NCAM1: variants seen among roughly 807,000 people sequenced by gnomAD.
The protein encoded by NCAM1 is neural cell adhesion molecule 1.
NCAM1 carries 14 observed loss-of-function variants against 109.8 expected under a neutral mutation model. The ratio of observed to expected loss-of-function variants is 0.13; its 90% CI spans 0.08 to 0.20. The LOEUF is 0.20. NCAM1 is among the 10% of genes least tolerant of loss of function. The probability of loss-of-function intolerance (pLI) is 1.00; values close to 1 mark genes in which losing one functional copy is unlikely to be tolerated. For synonymous variants in NCAM1, 418 were observed against 442.9 expected (o/e 0.94, Z 0.70); for missense variants, 774 against 1,109.9 (o/e 0.70, Z 4.30).
chr11:113,048,048 C>G (rs564134238), intron 1 of NCAM1, among the ~76,000 whole-genome samples: 2 of 152,250 alleles, frequency 1.3e-5, no homozygotes, highest in African/African-American at 4.8e-5. Context: ...TGCAATGAAT[C>G]TCTCTGGGCT....
Position 113,231,626 on chromosome 11 carries a change from T to A in NCAM1, c.1090-19T>A. On this transcript the variant is annotated intron_variant, in intron 9 of 19. Transcript: ENST00000316851. ...TGCCTTGGGCTCTGACATGCTCCCT[T>A]CCCCCCCACCCCCGGCAGACTCTGG... 1 of 1,597,512 alleles carries A rather than the reference T, an allele frequency of 6.3e-7. No individual in the cohort carries two copies. Among genetic ancestry groups the A allele is most frequent in the Non-Finnish European group, 8.6e-7 (1 of 1,167,060 alleles).
At chr11:112,994,156 C>T (rs1267802838) in intron 1 of NCAM1, among the ~76,000 whole-genome samples, 1 of 152,200 alleles carries the variant, frequency 6.6e-6, no homozygotes, top group Non-Finnish European at 1.5e-5. Context: ...AAACTTTATG[C>T]ATTATTAGTC....
At chr11:113,168,768 C>T (rs1212841492) in intron 1 of NCAM1, among the ~76,000 whole-genome samples, 4 of 152,108 alleles carry the variant, frequency 2.6e-5, no homozygotes, top group Admixed American at 1.3e-4. Flanking sequence ...TATTTAACCA[C>T]GGATGATAGT....
At chr11:113,238,307 C>A (rs1945232823) in intron 14 of NCAM1, among the ~76,000 whole-genome samples, 1 of 152,152 alleles carries the variant, frequency 6.6e-6, no homozygotes, top group Non-Finnish European at 1.5e-5. Flanking sequence ...ATAAGTAGAA[C>A]CATGGCATAT....
chr11:113,068,105 G>A (rs1938062796), intron 1 of NCAM1, among the ~76,000 whole-genome samples: 1 of 151,994 alleles, frequency 6.6e-6, no homozygotes, highest in Non-Finnish European at 1.5e-5. Flanking sequence ...TAGAGACGGG[G>A]TTTCACCGTG....
At chr11:113,196,988 A>G (rs1555110928) in intron 1 of NCAM1, among the ~76,000 whole-genome samples, 2 of 152,180 alleles carry the variant, frequency 1.3e-5, no homozygotes, top group Non-Finnish European at 2.9e-5. Flanking sequence ...ACTTACAATC[A>G]TGGTGGAAGG....
chr11:112,974,490 C>G (rs2134584377), intron 1 of NCAM1, among the ~76,000 whole-genome samples: 1 of 152,142 alleles, frequency 6.6e-6, no homozygotes, highest in East Asian at 1.9e-4. Flanking sequence ...CATGTATATT[C>G]ATGAGTACTT....
chr11:113,103,190 T>C (rs1939951253), intron 1 of NCAM1, among the ~76,000 whole-genome samples: 2 of 152,162 alleles, frequency 1.3e-5, no homozygotes, highest in South Asian at 4.1e-4. Flanking sequence ...TTATTCTATT[T>C]CCCTAGTTGA....
At chr11:113,114,504 C>T (rs915935085) in intron 1 of NCAM1, among the ~76,000 whole-genome samples, 16 of 152,192 alleles carry the variant, frequency 1.1e-4, no homozygotes, top group Non-Finnish European at 2.2e-4. Context: ...AGTATAATGA[C>T]CCCACGATTT....
At chr11:112,991,148 G>T (rs940434615) in intron 1 of NCAM1, among the ~76,000 whole-genome samples, 6 of 152,154 alleles carry the variant, frequency 3.9e-5, no homozygotes, top group Admixed American at 3.9e-4. Context: ...AGGTGGCATG[G>T]ATTGGAACTG....
chr11:113,160,874 G>C (rs1210386053), intron 1 of NCAM1, among the ~76,000 whole-genome samples: 1 of 152,182 alleles, frequency 6.6e-6, no homozygotes, highest in Non-Finnish European at 1.5e-5. Flanking sequence ...GGTTAAGTCA[G>C]CCATAAATTC....
intron 1 of NCAM1, among the ~76,000 whole-genome samples, chr11:113,115,966 A>G (rs1186169262): frequency 6.6e-6 from 1 of 152,210 alleles, no homozygotes; most frequent in Non-Finnish European, 1.5e-5. Context: ...AACAGAATAA[A>G]AAGTTTAATT....
At chr11:112,982,807 T>C (rs1555068970) in intron 1 of NCAM1, among the ~76,000 whole-genome samples, 1 of 151,860 alleles carries the variant, frequency 6.6e-6, no homozygotes, top group East Asian at 1.9e-4. Context: ...ATAGTTTGGC[T>C]TGGGAAAGGT....
intron 1 of NCAM1, among the ~76,000 whole-genome samples, chr11:113,115,876 G>A (rs1223964162): frequency 6.6e-6 from 1 of 152,190 alleles, no homozygotes; most frequent in African/African-American, 2.4e-5. Flanking sequence ...AAATACACAT[G>A]ACATAAAACT....
intron 1 of NCAM1, among the ~76,000 whole-genome samples, chr11:112,996,036 G>C (rs530184752): frequency 1.3e-5 from 2 of 152,066 alleles, no homozygotes; most frequent in South Asian, 4.1e-4. Flanking sequence ...CCTCCCCTTT[G>C]TCCACTGTTT....
intron 1 of NCAM1, among the ~76,000 whole-genome samples, chr11:113,037,628 G>A (rs1952935932): frequency 6.6e-6 from 1 of 152,162 alleles, no homozygotes; most frequent in South Asian, 2.1e-4. Context: ...CTTGTCTAAT[G>A]CACCCAGACT....
In NCAM1 at chr11:113,202,398, T is replaced by C. The variant is rs373994214; in HGVS notation, c.72T>C (p.Ile24=). ...TTTCAGTTTCTCTGCAGGTGGATAT[T>C]GTTCCCAGCCAGGGGGAGATCAGCG... ...LGTAVSLQVD[I]VPSQGEISVG... Residue 24 remains isoleucine, a synonymous_variant, in exon 2 of 20, where the codon ATT becomes ATC. Transcript: ENST00000316851. The C allele has an allele frequency of 6.2e-6, 10 of 1,613,092 alleles. No homozygotes were observed. The African/African-American group carries it at 8.0e-5, about 13-fold the overall frequency.
In NCAM1 at chr11:113,275,503, C is replaced by A; in HGVS notation, c.*116C>A. On this transcript the variant is annotated 3_prime_UTR_variant, in exon 20 of 20. Coordinates refer to ENST00000316851, the MANE Select transcript of NCAM1 (RefSeq NM_181351.5). Reference sequence around the variant, plus strand: ...GCACACACACAAACACACATGCACACACACACATCTCATTTCTCTAGTGTC... The same window carrying A: ...GCACACACACAAACACACATGCACAAACACACATCTCATTTCTCTAGTGTC... The A allele has an allele frequency of 8.1e-7, 1 of 1,240,296 alleles. No homozygotes were observed. The highest frequency in any genetic ancestry group is 1.1e-6 in the Non-Finnish European group (1 of 901,090). 76.8% of individuals were successfully genotyped at this position (1,240,296 alleles called of 1,614,324 possible).
intron 8 of NCAM1, among the ~76,000 whole-genome samples, chr11:113,218,042 G>C (rs1350581188): frequency 6.6e-6 from 1 of 152,106 alleles, no homozygotes; most frequent in East Asian, 1.9e-4. Flanking sequence ...ATGTGTCCAG[G>C]GCACTTCAAC....
Sources: allele counts gnomAD v4.1 joint callset (sites outside exome capture counted in the v4.1 genomes callset), GRCh38; gene constraint gnomAD v4.1.1; transcripts MANE v1.5; gene names NCBI Gene and HGNC (gene_info 2026-07-23, HGNC 2026-07-21).